The following PHACTR1 variants were observed in gnomAD, a reference collection of about 807,000 sequenced individuals.
PHACTR1 encodes RPEL repeat containing 1.
PHACTR1 carries 16 observed loss-of-function variants against 69.2 expected under a neutral mutation model. The ratio of observed to expected loss-of-function variants is 0.23; its 90% CI spans 0.16 to 0.35. The LOEUF (loss-of-function observed/expected upper bound fraction) is 0.35, where lower values mean the gene tolerates loss of function less well. Among genes scored for constraint, PHACTR1 ranks in the 10% least tolerant of loss-of-function variants. The pLI is 1.00. For synonymous variants in PHACTR1, 312 were observed against 284.5 expected (o/e 1.10, Z -0.97); for missense variants, 510 against 734.7 (o/e 0.69, Z 3.54).
intron 4 of PHACTR1, among the ~76,000 whole-genome samples, chr6:12,838,606 C>T (rs1438659153): frequency 6.6e-6 from 1 of 152,172 alleles, no homozygotes; most frequent in African/African-American, 2.4e-5. Context: ...GGGAGGCCCT[C>T]ATGTTCTCTT....
intron 12 of PHACTR1, chr6:13,281,218 C>T: frequency 9.5e-7 from 1 of 1,052,202 alleles, no homozygotes; most frequent in Non-Finnish European, 1.2e-6. Context: ...ATTTGAAAGT[C>T]AGGGCTTAAC....
intron 4 of PHACTR1, among the ~76,000 whole-genome samples, chr6:12,967,825 T>C (rs1793677511): frequency 6.6e-6 from 1 of 152,234 alleles, no homozygotes; most frequent in Admixed American, 6.5e-5. Context: ...ATGTTTCTGA[T>C]TCATGTATAG....
chr6:12,798,799 T>C (rs1773378915), intron 4 of PHACTR1, among the ~76,000 whole-genome samples: 1 of 152,216 alleles, frequency 6.6e-6, no homozygotes, highest in East Asian at 1.9e-4. Flanking sequence ...ATGCATACCA[T>C]GACATAGTGT....
At chr6:12,851,752 G>T (rs1340523605) in intron 4 of PHACTR1, among the ~76,000 whole-genome samples, 3 of 152,192 alleles carry the variant, frequency 2.0e-5, no homozygotes, top group Non-Finnish European at 2.9e-5. Flanking sequence ...GCATTGCTCT[G>T]CCGAATGTTT....
At chr6:12,833,220 A>G (rs1039247444) in intron 4 of PHACTR1, among the ~76,000 whole-genome samples, 2 of 151,606 alleles carry the variant, frequency 1.3e-5, no homozygotes, top group African/African-American at 4.8e-5. Context: ...GGAATCTTTG[A>G]TATACTAGAT....
rs185156066 is a variant in PHACTR1 at position 12,969,824 on chromosome 6, A to T, written c.251-83541A>T. 4.7e-3 allele frequency among the ~76,000 whole-genome samples: 717 copies of T among 152,200 alleles called. 1 individual carries two copies. Among genetic ancestry groups the T allele is most frequent in the Non-Finnish European group, 8.3e-3 (565 of 67,994 alleles). On this transcript the variant is annotated intron_variant, in intron 4 of 14. Coordinates refer to ENST00000332995, the MANE Select transcript of PHACTR1 (RefSeq NM_030948.6). ...TAAAAATACAAAAAATTAGCTGGGC[A>T]TGGTGGCACGCGCCTATAATCCCAG...
At chr6:13,200,699 C>T (rs770408380) in intron 7 of PHACTR1, among the ~76,000 whole-genome samples, 31 of 151,632 alleles carry the variant, frequency 2.0e-4, no homozygotes, top group East Asian at 1.9e-3. Flanking sequence ...TTTGGGAGGC[C>T]GGGGTGGGTG....
intron 4 of PHACTR1, among the ~76,000 whole-genome samples, chr6:12,996,583 GT>G (rs2127615253): frequency 6.6e-6 from 1 of 152,264 alleles, no homozygotes; most frequent in African/African-American, 2.4e-5. Flanking sequence ...AGGCTGATGA[GT>G]TTTAATAAAC....
At chr6:13,003,233 T>C (rs976894100) in intron 4 of PHACTR1, among the ~76,000 whole-genome samples, 1 of 152,236 alleles carries the variant, frequency 6.6e-6, no homozygotes, top group Non-Finnish European at 1.5e-5. Context: ...AATATAAATA[T>C]ATGTTGATTT....
chr6:12,912,375 C>T (rs1786510942), intron 4 of PHACTR1, among the ~76,000 whole-genome samples: 1 of 152,150 alleles, frequency 6.6e-6, no homozygotes, highest in African/African-American at 2.4e-5. Context: ...AATCAGAGGG[C>T]CTATGTTGGT....
chr6:12,720,908 AT>A, intron 3 of PHACTR1, among the ~76,000 whole-genome samples: 1 of 152,350 alleles, frequency 6.6e-6, no homozygotes, highest in Non-Finnish European at 1.5e-5. Context: ...GCAGGATGAC[AT>A]AGTGGTTGCA....
intron 3 of PHACTR1, among the ~76,000 whole-genome samples, chr6:12,720,769 A>T (rs1762015619): frequency 6.6e-6 from 1 of 152,224 alleles, no homozygotes; most frequent in Non-Finnish European, 1.5e-5. Flanking sequence ...TTTGCATTTT[A>T]AGCAAGAGCT....
At chr6:13,249,797 CA>C (rs5874406) in intron 10 of PHACTR1, among the ~76,000 whole-genome samples, 2,082 of 79,890 alleles carry the variant, frequency 0.026, 30 homozygotes, top group African/African-American at 0.075. Context: ...AACTCCGTCT[CA>C]AAAAAAAAAA....
intron 5 of PHACTR1, among the ~76,000 whole-genome samples, chr6:13,144,936 C>T (rs1008269657): frequency 6.6e-6 from 1 of 151,914 alleles, no homozygotes; most frequent in African/African-American, 2.4e-5. Context: ...GGCAAAGATA[C>T]AAGTAGAAAA....
intron 4 of PHACTR1, among the ~76,000 whole-genome samples, chr6:12,784,335 C>A (rs1000203023): frequency 1.3e-5 from 2 of 151,342 alleles, no homozygotes; most frequent in African/African-American, 4.9e-5. Context: ...TACATGATGA[C>A]ATATACATAT....
intron 4 of PHACTR1, among the ~76,000 whole-genome samples, chr6:12,865,038 A>G (rs911740239): frequency 3.3e-5 from 5 of 152,210 alleles, no homozygotes; most frequent in Admixed American, 3.3e-4. Flanking sequence ...AGTGGAGGGT[A>G]GGGAAGAAAA....
chr6:12,945,547 T>G (rs114797898), intron 4 of PHACTR1, among the ~76,000 whole-genome samples: 1,646 of 152,290 alleles, frequency 0.011, 41 homozygotes, highest in African/African-American at 0.038. Context: ...GGATTCCCAG[T>G]GTACGGTCAT....
intron 4 of PHACTR1, among the ~76,000 whole-genome samples, chr6:12,763,515 G>C (rs1014670478): frequency 5.3e-5 from 8 of 152,140 alleles, no homozygotes; most frequent in African/African-American, 1.4e-4. Flanking sequence ...TAGCTACTGG[G>C]ATCTGTGTTC....
At chr6:13,216,820 A>C (rs1767747974) in intron 8 of PHACTR1, among the ~76,000 whole-genome samples, 1 of 152,228 alleles carries the variant, frequency 6.6e-6, no homozygotes, top group Admixed American at 6.5e-5. Context: ...TTTCCCTATA[A>C]GGTTGGCAAG....
Sources: gnomAD v4.1 joint callset for allele counts (sites outside exome capture counted in the v4.1 genomes callset) on GRCh38, gnomAD v4.1.1 for gene constraint, MANE v1.5 for transcripts, NCBI Gene and HGNC (gene_info 2026-07-23, HGNC 2026-07-21) for gene names.